Variants in ST6GALNAC6 observed in about 807,000 individuals in gnomAD.
ST6GALNAC6 encodes alpha-N-acetylgalactosaminide alpha-2,6-sialyltransferase 6.
Under a neutral mutation model 34.3 loss-of-function variants are expected in ST6GALNAC6, and 19 were observed. The observed-to-expected ratio is 0.55, with a 90% CI of 0.39 to 0.81. The LOEUF (loss-of-function observed/expected upper bound fraction) is 0.81. Ranked by LOEUF, ST6GALNAC6 falls within the 40% of genes least tolerant of loss-of-function variation. ST6GALNAC6 has a pLI of 0.00. For synonymous variants in ST6GALNAC6, 185 were observed against 182.1 expected (o/e 1.02, Z -0.13); for missense variants, 377 against 467.7 (o/e 0.81, Z 1.79).
chr9:127,896,930 T>C (rs1338608290), intron 2 of ST6GALNAC6: 2 of 985,146 alleles, frequency 2.0e-6, no homozygotes, highest in Non-Finnish European at 2.4e-6. Flanking sequence ...GATTCAGGAA[T>C]ATCGCTGAAT....
intron 2 of ST6GALNAC6, 100 bp from the exon 3 acceptor site, chr9:127,896,432 C>A: frequency 9.7e-7 from 1 of 1,032,530 alleles, no homozygotes; most frequent in Non-Finnish European, 1.4e-6. Context: ...TCTATGCACC[C>A]AGAACTTTAA....
intron 5 of ST6GALNAC6, among the ~76,000 whole-genome samples, chr9:127,888,994 T>C (rs1423620460): frequency 6.6e-6 from 1 of 152,158 alleles, no homozygotes; most frequent in Non-Finnish European, 1.5e-5. Flanking sequence ...AGAAATAAAA[T>C]TGTCCTTATT....
intron 1 of ST6GALNAC6, among the ~76,000 whole-genome samples, chr9:127,898,798 G>C (rs1197576952): frequency 1.3e-5 from 2 of 152,258 alleles, no homozygotes; most frequent in African/African-American, 2.4e-5. Flanking sequence ...CGGCTGGAAC[G>C]GGTCAGAGGC....
upstream of ST6GALNAC6, among the ~76,000 whole-genome samples, chr9:127,901,097 T>C (rs748434007): frequency 6.6e-6 from 1 of 150,806 alleles, no homozygotes; most frequent in Admixed American, 6.6e-5. Context: ...CTTGCAGATG[T>C]GCCCAAGGAG....
intron 1 of ST6GALNAC6, 37 bp downstream of exon 1, chr9:127,899,466 C>T: frequency 1.3e-5 from 12 of 932,734 alleles, no homozygotes; most frequent in Non-Finnish European, 1.5e-5. Flanking sequence ...CCTCCGCCCC[C>T]GCCCCCGCGG....
chr9:127,905,351 C>A (rs1830890146), upstream of ST6GALNAC6: 1 of 985,522 alleles, frequency 1.0e-6, no homozygotes, highest in Non-Finnish European at 1.2e-6. Context: ...TGACGCATCA[C>A]TCCTGCCAGG....
At chr9:127,901,243 A>G (rs1217530063), upstream of ST6GALNAC6, among the ~76,000 whole-genome samples, 1 of 152,220 alleles carries the variant, frequency 6.6e-6, no homozygotes, top group Admixed American at 6.5e-5. Flanking sequence ...AATTACATGG[A>G]TGAATCTTAG....
chr9:127,898,428 A>G (rs192710226), intron 1 of ST6GALNAC6, among the ~76,000 whole-genome samples: 5 of 152,024 alleles, frequency 3.3e-5, no homozygotes, highest in Admixed American at 3.3e-4. Context: ...AAAATAAAAT[A>G]AAAGAAAGAA....
intron 2 of ST6GALNAC6, chr9:127,897,403 A>G (rs1830532925): frequency 2.0e-6 from 2 of 986,414 alleles, no homozygotes; most frequent in Non-Finnish European, 1.2e-6. Context: ...GCCACCAGGA[A>G]TAGCCAGAGA....
chr9:127,900,991 C>A (rs1830734704), upstream of ST6GALNAC6, among the ~76,000 whole-genome samples: 2 of 61,006 alleles, frequency 3.3e-5, no homozygotes, highest in African/African-American at 7.0e-5. Flanking sequence ...AACTCCCTAT[C>A]AAAAAAAAAA....
chr9:127,903,958 T>C (rs1011396378), upstream of ST6GALNAC6: 14 of 152,154 alleles, frequency 9.2e-5, no homozygotes, highest in African/African-American at 3.4e-4. Context: ...GAGCTGCCTG[T>C]CCCGCCTGCC....
rs149093749 is a variant in ST6GALNAC6, at chr9:127,890,668, C to T, written c.673G>A (p.Asp225Asn). The T allele has an allele frequency of 1.9e-4, 299 of 1,613,200 alleles. No individual in the cohort carries two copies. The highest frequency in any genetic ancestry group is 2.4e-4 in the Non-Finnish European group (281 of 1,180,044). Residue 225 changes from aspartate (D) to asparagine (N), a missense_variant, in exon 5 of 7, where the codon GAC becomes AAC. Coordinates refer to ENST00000373146, the MANE Select transcript of ST6GALNAC6 (RefSeq NM_013443.5). The surrounding 1 kb of genome is among the most constrained non-coding windows in gnomAD (Gnocchi z 4.3). ...TTGCCCGTCTCACCCCGGAAGAGGT[C>T]GTCAAATTGCCGCATGCGGCCGGGA... is the stretch of plus-strand genomic sequence containing the variant. ...VSPGRMRQFD[D>N]LFRGETGKDR...
upstream of ST6GALNAC6, among the ~76,000 whole-genome samples, chr9:127,902,304 G>A (rs1347962422): frequency 3.3e-5 from 5 of 151,888 alleles, no homozygotes; most frequent in African/African-American, 9.7e-5. Flanking sequence ...GACTACAGGC[G>A]CGGGCCACCA....
chr9:127,897,493 G>T, intron 2 of ST6GALNAC6: 1 of 888,938 alleles, frequency 1.1e-6, no homozygotes, highest in Non-Finnish European at 1.3e-6. Context: ...CTCCAACCCC[G>T]CCCCCTCCCC....
intron 4 of ST6GALNAC6, among the ~76,000 whole-genome samples, chr9:127,894,282 T>C (rs190148211): frequency 1.5e-4 from 23 of 152,224 alleles, no homozygotes; most frequent in South Asian, 2.1e-4. Flanking sequence ...TTCAAAAGGA[T>C]TCTGATTCAG....
intron 3 of ST6GALNAC6, 92 bp downstream of exon 3, chr9:127,896,150 T>C: frequency 7.1e-7 from 1 of 1,411,520 alleles, no homozygotes; most frequent in Admixed American, 1.7e-5. Context: ...AAGAGACTCG[T>C]GGTGGCTGGG....
chr9:127,887,606 G>A lies in ST6GALNAC6; in HGVS notation c.705-15C>T, dbSNP rs1220491136. The stretch of plus-strand genomic sequence containing the variant: ...GAGACTTCTCCCTGGGGATGGAGAG[G>A]GGTCACGATGAGGGCACATGCAGGG... On this transcript the variant is annotated splice_polypyrimidine_tract_variant and intron_variant, in intron 5 of 6. Transcript: ENST00000373146. The A allele has an allele frequency of 6.3e-7, 1 of 1,596,474 alleles. No individual in the cohort carries two copies. Among genetic ancestry groups the A allele is most frequent in the African/African-American group, 1.3e-5 (1 of 74,512 alleles).
intron 3 of ST6GALNAC6, 101 bp downstream of exon 3, chr9:127,896,141 A>C: frequency 3.2e-5 from 43 of 1,354,380 alleles, no homozygotes; most frequent in East Asian, 9.3e-5. Context: ...GCGGGGAAGA[A>C]GAGACTCGTG....
At position 127,890,560 on chromosome 9, in the gene ST6GALNAC6, A is replaced by G; in HGVS notation, c.704+77T>C. 6.3e-7 allele frequency: 1 copy of G among 1,593,610 alleles called. No homozygotes were observed. Among genetic ancestry groups the G allele is most frequent in the South Asian group, 1.1e-5 (1 of 89,114 alleles). On this transcript the variant is annotated intron_variant, in intron 5 of 6. Transcript: ENST00000373146. The surrounding 1 kb of genome is among the most constrained non-coding windows in gnomAD (Gnocchi z 4.3). ...ACCCCTCAGAGCAGTGCATGCTGGGAGCAACAGGCCCTCTGGATGGGGCAT... is the reference window on the plus strand; with the variant it reads ...ACCCCTCAGAGCAGTGCATGCTGGGGGCAACAGGCCCTCTGGATGGGGCAT...
Sources: gnomAD v4.1 joint callset for allele counts (sites outside exome capture counted in the v4.1 genomes callset) on GRCh38, gnomAD v4.1.1 for gene constraint, Gnocchi (gnomAD v3.1) non-coding constraint, MANE v1.5 for transcripts, NCBI Gene and HGNC (gene_info 2026-07-23, HGNC 2026-07-21) for gene names.